The following MGAT4C variants were observed in gnomAD, a reference collection of about 807,000 sequenced individuals.
MGAT4C encodes the protein alpha-1,3-mannosyl-glycoprotein 4-beta-N-acetylglucosaminyltransferase C.
Under a neutral mutation model 40.1 loss-of-function variants are expected in MGAT4C, and 19 were observed. The ratio of observed to expected loss-of-function variants is 0.47; its 90% CI spans 0.33 to 0.70. The LOEUF (loss-of-function observed/expected upper bound fraction) is 0.70, where lower values mean the gene tolerates loss of function less well. Ranked by LOEUF, MGAT4C falls within the 30% of genes least tolerant of loss-of-function variation. MGAT4C has a pLI of 0.02. For missense variants in MGAT4C, 491 were observed against 563.2 expected (o/e 0.87, Z 1.30); for synonymous variants, 181 against 187.1 (o/e 0.97, Z 0.27).
At chr12:86,423,422 G>A (rs891396485) in intron 3 of MGAT4C, among the ~76,000 whole-genome samples, 1 of 151,864 alleles carries the variant, frequency 6.6e-6, no homozygotes, top group South Asian at 2.1e-4. Context: ...AAAACATAAG[G>A]TAATGATAGT....
chr12:86,471,001 C>A (rs1349525822), intron 2 of MGAT4C, among the ~76,000 whole-genome samples: 1 of 151,868 alleles, frequency 6.6e-6, no homozygotes, highest in Non-Finnish European at 1.5e-5. Context: ...GCCACAAAAC[C>A]AGAATTCTAT....
chr12:86,527,682 G>A (rs762665704), intron 2 of MGAT4C, among the ~76,000 whole-genome samples: 1 of 151,938 alleles, frequency 6.6e-6, no homozygotes, highest in Non-Finnish European at 1.5e-5. Context: ...CATCAGAGTT[G>A]TCTAGTTTTT....
intron 3 of MGAT4C, among the ~76,000 whole-genome samples, chr12:86,356,473 G>T (rs931820433): frequency 5.8e-4 from 88 of 152,196 alleles, no homozygotes; most frequent in African/African-American, 2.1e-3. Flanking sequence ...ACTGGGGCTT[G>T]TTGGACACTG....
intron 1 of MGAT4C, among the ~76,000 whole-genome samples, chr12:86,212,952 G>GT (rs968740309): frequency 3.1e-4 from 41 of 131,746 alleles, no homozygotes; most frequent in African/African-American, 1.1e-3. Context: ...TGAGATTATT[G>GT]TTTTTATAAA....
intron 1 of MGAT4C, among the ~76,000 whole-genome samples, chr12:86,192,451 C>T (rs1889622548): frequency 6.6e-6 from 1 of 152,058 alleles, no homozygotes; most frequent in Non-Finnish European, 1.5e-5. Context: ...GCTGCCTTCC[C>T]TGAGGAAATT....
At chr12:86,719,193 C>T (rs573735655) in intron 2 of MGAT4C, among the ~76,000 whole-genome samples, 2 of 152,294 alleles carry the variant, frequency 1.3e-5, no homozygotes, top group African/African-American at 4.8e-5. Flanking sequence ...TATACTTTCA[C>T]TACGTGCAAA....
intron 1 of MGAT4C, among the ~76,000 whole-genome samples, chr12:86,189,105 A>G (rs987765611): frequency 1.3e-5 from 2 of 151,868 alleles, no homozygotes; most frequent in African/African-American, 4.8e-5. Context: ...GACTCATAAA[A>G]TATTGCTTTA....
chr12:86,497,666 T>C (rs1958261516), intron 2 of MGAT4C, among the ~76,000 whole-genome samples: 1 of 151,596 alleles, frequency 6.6e-6, no homozygotes, highest in East Asian at 1.9e-4. Flanking sequence ...GTTTCCAGGA[T>C]GCATAGGACT....
intron 4 of MGAT4C, among the ~76,000 whole-genome samples, chr12:86,304,259 G>T (rs1953881704): frequency 6.6e-6 from 1 of 150,380 alleles, no homozygotes; most frequent in African/African-American, 2.5e-5. Context: ...TTGCAAACTT[G>T]TGTAAGTTCA....
In MGAT4C at chr12:86,806,430, C is replaced by CTG. The variant is rs762478208; in HGVS notation, c.-262+32234_-262+32235dup. ...CAGATTTATCCAGCTTTACTTACAT[C>CTG]TGTGTGTGTGTGTGTGTGTGAGAGA... On this transcript the variant is annotated intron_variant, in intron 1 of 7. Coordinates refer to the MGAT4C transcript ENST00000548651. 4.2e-3 allele frequency among the ~76,000 whole-genome samples: 619 copies of CTG among 147,592 alleles called. 4 individuals are homozygous for CTG. The highest frequency in any genetic ancestry group is 0.011 in the South Asian group (50 of 4,690).
chr12:86,561,626 A>C (rs1959866788), intron 2 of MGAT4C, among the ~76,000 whole-genome samples: 2 of 152,054 alleles, frequency 1.3e-5, no homozygotes, highest in African/African-American at 4.8e-5. Flanking sequence ...TAGTATTTCT[A>C]ATTTTGAGAT....
intron 1 of MGAT4C, among the ~76,000 whole-genome samples, chr12:86,817,734 A>G (rs2136223577): frequency 6.6e-6 from 1 of 151,708 alleles, no homozygotes; most frequent in South Asian, 2.1e-4. Flanking sequence ...GTCATCTCAG[A>G]AAATTAATAG....
rs1201189919 is a variant in MGAT4C, at chr12:85,974,481, C to A, written c.*4808G>T. On this transcript the variant is annotated 3_prime_UTR_variant, in exon 5 of 5. Transcript: ENST00000611864. ...ATGTATATATATACACAAATATACA[C>A]ACATATTCACATAATATTCAAGTAT... The A allele has an allele frequency of 1.3e-5, 2 of 150,404 alleles. No individual in the cohort carries two copies. The highest frequency in any genetic ancestry group is 4.1e-4 in the South Asian group (2 of 4,826). The allele number at this position is 150,404 out of a possible 1,614,324, so 9.3% of individuals were successfully genotyped here.
At chr12:86,088,387 G>C (rs1185576224) in intron 1 of MGAT4C, among the ~76,000 whole-genome samples, 2 of 151,902 alleles carry the variant, frequency 1.3e-5, no homozygotes, top group Non-Finnish European at 2.9e-5. Flanking sequence ...CCTAACTAAA[G>C]AGCTTCTTCT....
chr12:86,445,911 C>A (rs58249972), intron 2 of MGAT4C, among the ~76,000 whole-genome samples: 1 of 151,986 alleles, frequency 6.6e-6, no homozygotes, highest in African/African-American at 2.4e-5. Context: ...GGAAGAGGTA[C>A]AAAATAATCT....
At chr12:86,572,380 T>C (rs1960400883) in intron 2 of MGAT4C, among the ~76,000 whole-genome samples, 1 of 152,192 alleles carries the variant, frequency 6.6e-6, no homozygotes, top group Middle Eastern at 3.4e-3. Flanking sequence ...AATCCTGTGG[T>C]TTCTATAACC....
chr12:86,807,642 C>G (rs1052081599), intron 1 of MGAT4C, among the ~76,000 whole-genome samples: 5 of 151,984 alleles, frequency 3.3e-5, no homozygotes, highest in African/African-American at 1.2e-4. Flanking sequence ...TATATAACCA[C>G]TAATGGGATT....
rs990393869 is a variant in MGAT4C, at chr12:85,957,797, A to G, written c.*21492T>C. On this transcript the variant is annotated 3_prime_UTR_variant, in exon 5 of 5. Transcript: ENST00000611864. ...TCGGTCAGGGTAGTGCAGGTGGTGC[A>G]TGCATTTAATAATAGTTTAAGATAT... 1 of 151,524 alleles carries G rather than the reference A, an allele frequency of 6.6e-6. No individual in the cohort carries two copies. The highest frequency in any genetic ancestry group is 2.4e-5 in the African/African-American group (1 of 41,328). The allele number at this position is 151,524 out of a possible 1,614,324, so 9.4% of individuals were successfully genotyped here.
At chr12:86,804,978 T>G (rs975452573) in intron 1 of MGAT4C, among the ~76,000 whole-genome samples, 1 of 152,022 alleles carries the variant, frequency 6.6e-6, no homozygotes, top group Non-Finnish European at 1.5e-5. Context: ...GAAGTAAGAT[T>G]ACTGGAATTT....
Sources: allele counts gnomAD v4.1 joint callset (sites outside exome capture counted in the v4.1 genomes callset), GRCh38; gene constraint gnomAD v4.1.1; transcripts MANE v1.5; gene names NCBI Gene and HGNC (gene_info 2026-07-23, HGNC 2026-07-21).